Variants in SPAG1 observed in about 807,000 individuals in gnomAD.
The protein encoded by SPAG1 is sperm-associated antigen 1.
Under a neutral mutation model 100.5 loss-of-function variants are expected in SPAG1, and 69 were observed. The observed-to-expected ratio is 0.69, with a 90% CI of 0.57 to 0.84. SPAG1 has a LOEUF of 0.84. SPAG1 is among the 40% of genes least tolerant of loss of function. The probability of loss-of-function intolerance (pLI) is 0.00; values close to 1 mark genes in which losing one functional copy is unlikely to be tolerated. For synonymous variants in SPAG1, 336 were observed against 411.6 expected, an observed-to-expected ratio of 0.82 and a Z score of 2.22; for missense variants, 955 against 1,133.1, an observed-to-expected ratio of 0.84 and a Z score of 2.26.
At chr8:100,163,391 TTTTC>T (rs760736396) in intron 2 of SPAG1, among the ~76,000 whole-genome samples, 89 of 152,054 alleles carry the variant, frequency 5.9e-4, no homozygotes, top group African/African-American at 1.6e-3. Flanking sequence ...TTTGGATTTC[TTTTC>T]TTTCTTTCTT....
At chr8:100,159,443 G>C (rs1815211243) in intron 1 of SPAG1, among the ~76,000 whole-genome samples, 1 of 152,220 alleles carries the variant, frequency 6.6e-6, no homozygotes, top group Non-Finnish European at 1.5e-5. Flanking sequence ...GAAGTGGACA[G>C]TGTCATCCTT....
chr8:100,239,693 C>T lies in SPAG1; in HGVS notation c.2280+289C>T, dbSNP rs963540820. Among the ~76,000 whole-genome samples the T allele has an allele frequency of 1.5e-4, 23 of 152,200 alleles. No homozygotes were observed. Among genetic ancestry groups the T allele is most frequent in the Admixed American group, 1.3e-4 (2 of 15,280 alleles). On this transcript the variant is annotated intron_variant, in intron 17 of 18. Coordinates refer to ENST00000388798, the MANE Select transcript of SPAG1 (RefSeq NM_003114.5). The surrounding 1 kb of genome is among the most constrained non-coding windows in gnomAD (Gnocchi z 5.0). ...CACTCCAGAGTACACTGGGAACCAG[C>T]GGCCACTGACTTTGCTCCAGGGTAG...
intron 17 of SPAG1, among the ~76,000 whole-genome samples, 174 bp from the exon 18 acceptor site, chr8:100,240,229 T>A (rs1429346201): frequency 6.6e-6 from 1 of 152,220 alleles, no homozygotes; most frequent in Non-Finnish European, 1.5e-5. Flanking sequence ...ATGAATTGGA[T>A]CTTACACCCT....
intron 3 of SPAG1, among the ~76,000 whole-genome samples, chr8:100,172,479 G>A (rs577564326): frequency 1.8e-4 from 28 of 152,178 alleles, no homozygotes; most frequent in Admixed American, 1.2e-3. Flanking sequence ...AATCAGCCAG[G>A]TGTGGTGGTG....
chr8:100,216,654 C>A (rs1214841263), intron 12 of SPAG1, among the ~76,000 whole-genome samples: 1 of 152,100 alleles, frequency 6.6e-6, no homozygotes, highest in African/African-American at 2.4e-5. Flanking sequence ...AGAGACCGAC[C>A]TACTCAGATG....
At chr8:100,185,199 G>A (rs2132262525) in intron 7 of SPAG1, 1 of 153,074 alleles carries the variant, frequency 6.5e-6, no homozygotes, top group East Asian at 1.9e-4. Flanking sequence ...AGATTTCCTT[G>A]TTCCTTCTCC....
intron 2 of SPAG1, chr8:100,165,467 C>A: frequency 2.7e-6 from 1 of 364,438 alleles, no homozygotes. Context: ...TTAAAGGAAA[C>A]CTTTGACATG....
rs181801385 is a variant in SPAG1 at position 100,229,063 on chromosome 8, C to T, written c.1856-2093C>T. ...AGCAGTTTTAGGCTTTACATCTGCA[C>T]ATATCAGTGTCCAAAGAGAGAGAGA... On this transcript the variant is annotated intron_variant, in intron 14 of 18. Transcript: ENST00000388798. 1.7e-4 allele frequency among the ~76,000 whole-genome samples: 26 copies of T among 152,242 alleles called. No individual in the cohort carries two copies. The East Asian group carries it at 3.3e-3, about 19-fold the overall frequency.
At chr8:100,182,474 A>G (rs1052195688) in intron 4 of SPAG1, among the ~76,000 whole-genome samples, 15 of 152,218 alleles carry the variant, frequency 9.9e-5, no homozygotes, top group Non-Finnish European at 1.8e-4. Flanking sequence ...TTCCTGCCAC[A>G]TGGAGAAAGC....
At chr8:100,218,090 C>T (rs1477887805) in intron 12 of SPAG1, among the ~76,000 whole-genome samples, 2 of 152,156 alleles carry the variant, frequency 1.3e-5, no homozygotes, top group African/African-American at 4.8e-5. Flanking sequence ...CCGTGCCTGG[C>T]CAGTTCTCTG....
rs1819139126 is a variant in SPAG1, at chr8:100,239,134, C to T, written c.2116-106C>T. On this transcript the variant is annotated intron_variant, in intron 16 of 18. Coordinates refer to ENST00000388798, the MANE Select transcript of SPAG1 (RefSeq NM_003114.5). The surrounding 1 kb of genome is among the most constrained non-coding windows in gnomAD (Gnocchi z 5.0). ...TTGTAAGAGTGGTATTAATGTGGAC[C>T]CTGCACACATACTGCACAGCTCACT... The T allele has an allele frequency of 1.3e-5, 8 of 621,080 alleles. No homozygotes were observed. The highest frequency in any genetic ancestry group is 4.5e-4 in the Middle Eastern group (1 of 2,204). 38.5% of individuals were successfully genotyped at this position (621,080 alleles called of 1,614,324 possible).
intron 3 of SPAG1, among the ~76,000 whole-genome samples, chr8:100,172,664 GTGTA>G (rs747420877): frequency 2.9e-5 from 4 of 139,404 alleles, no homozygotes; most frequent in Non-Finnish European, 4.8e-5. Flanking sequence ...GTGTGTGTGT[GTGTA>G]TGTGTGTGTG....
intron 10 of SPAG1, among the ~76,000 whole-genome samples, chr8:100,196,257 C>T (rs1465191754): frequency 6.6e-6 from 1 of 152,182 alleles, no homozygotes; most frequent in Non-Finnish European, 1.5e-5. Context: ...ACTGCTGGGT[C>T]ATACGGCAAG....
chr8:100,185,880 T>C (rs1018200250), intron 7 of SPAG1, among the ~76,000 whole-genome samples: 25 of 152,154 alleles, frequency 1.6e-4, no homozygotes, highest in African/African-American at 6.0e-4. Context: ...GGCAGGTGGA[T>C]GTCAGCCTTG....
chr8:100,181,541 A>G (rs1464115195), intron 4 of SPAG1, among the ~76,000 whole-genome samples: 3 of 152,200 alleles, frequency 2.0e-5, no homozygotes, highest in Non-Finnish European at 4.4e-5. Context: ...TCACAGTTCT[A>G]GGGGCTAGAA....
intron 8 of SPAG1, 99 bp from the exon 9 acceptor site, chr8:100,191,291 A>G (rs1215064796): frequency 5.4e-6 from 4 of 737,206 alleles, no homozygotes; most frequent in South Asian, 5.3e-5. Context: ...ATTACATCCT[A>G]AAGTATTCTG....
chr8:100,207,803 C>T (rs1471998168), intron 10 of SPAG1, among the ~76,000 whole-genome samples: 1 of 152,204 alleles, frequency 6.6e-6, no homozygotes, highest in Non-Finnish European at 1.5e-5. Flanking sequence ...GGCTCATACT[C>T]ATGGAATTCA....
chr8:100,215,548 T>G (rs1219243884), intron 12 of SPAG1, among the ~76,000 whole-genome samples: 1 of 152,212 alleles, frequency 6.6e-6, no homozygotes, highest in African/African-American at 2.4e-5. Flanking sequence ...TTTGTTTTGT[T>G]TTGTTTTTGA....
chr8:100,202,921 G>A (rs934453689), intron 10 of SPAG1, among the ~76,000 whole-genome samples: 2 of 152,008 alleles, frequency 1.3e-5, no homozygotes, highest in Non-Finnish European at 2.9e-5. Flanking sequence ...AGCACTTTGG[G>A]AGGCTGAGGC....
Sources: allele counts gnomAD v4.1 joint callset (sites outside exome capture counted in the v4.1 genomes callset), GRCh38; gene constraint gnomAD v4.1.1; non-coding constraint Gnocchi (gnomAD v3.1); transcripts MANE v1.5; gene names NCBI Gene and HGNC (gene_info 2026-07-23, HGNC 2026-07-21).